The following NXN variants were observed in gnomAD, a reference collection of about 807,000 sequenced individuals.
The protein encoded by NXN is nucleoredoxin, also known as nucleoredoxin 1.
Under a neutral mutation model 48.6 loss-of-function variants are expected in NXN, and 16 were observed. The ratio of observed to expected loss-of-function variants is 0.33; its 90% CI spans 0.22 to 0.50. The LOEUF (loss-of-function observed/expected upper bound fraction) is 0.50. NXN is among the 20% of genes least tolerant of loss of function. The probability of loss-of-function intolerance (pLI) is 0.98; values close to 1 mark genes in which losing one functional copy is unlikely to be tolerated. For missense variants in NXN, 492 were observed against 605.5 expected (o/e 0.81, Z 1.97); for synonymous variants, 281 against 269.6 (o/e 1.04, Z -0.41).
chr17:954,619 C>G (rs753173291), intron 1 of NXN, among the ~76,000 whole-genome samples: 1 of 152,234 alleles, frequency 6.6e-6, no homozygotes, highest in Non-Finnish European at 1.5e-5. Context: ...CGACCCCAGG[C>G]CCCAGGGCCG....
intron 1 of NXN, among the ~76,000 whole-genome samples, chr17:845,734 A>T (rs2067852966): frequency 6.6e-6 from 1 of 152,210 alleles, no homozygotes; most frequent in Admixed American, 6.5e-5. Flanking sequence ...CGGATATTCC[A>T]TTTTCACACA....
chr17:902,782 CT>C lies in NXN; in HGVS notation c.360+76536del, dbSNP rs748225079. On this transcript the variant is annotated intron_variant, in intron 1 of 7. Coordinates refer to ENST00000336868, the MANE Select transcript of NXN (RefSeq NM_022463.5). ...AACACAATGGCCTCTGCCCATCATT[CT>C]TTTTTTTTTTTTTTAAGACTGACTT... 9.7e-3 allele frequency among the ~76,000 whole-genome samples: 1,344 copies of C among 137,908 alleles called. 18 individuals carry two copies. Among genetic ancestry groups the C allele is most frequent in the African/African-American group, 0.027 (996 of 37,508 alleles). 90.5% of individuals were successfully genotyped at this position (137,908 alleles called of 152,430 possible).
intron 1 of NXN, among the ~76,000 whole-genome samples, chr17:885,615 C>A (rs1310208309): frequency 1.1e-5 from 1 of 92,842 alleles, no homozygotes; most frequent in Non-Finnish European, 2.2e-5. Flanking sequence ...TTTCTTTGCG[C>A]ACACATGCCC....
Position 932,198 on chromosome 17 carries a change from A to G in NXN, c.360+47121T>C, listed in dbSNP as rs568753432. Among the ~76,000 whole-genome samples the G allele has an allele frequency of 1.1e-4, 17 of 152,212 alleles. No homozygotes were observed. In the South Asian group the frequency reaches 3.1e-3, roughly 28 times the overall value. On this transcript the variant is annotated intron_variant, in intron 1 of 7. Transcript: ENST00000336868. The surrounding 1 kb of genome is among the most constrained non-coding windows in gnomAD (Gnocchi z 4.1). ...AATGTTTAATTATTTGGAATCCTGG[A>G]AAAAAAAGCTAAGGCAAAGCTGATC...
intron 1 of NXN, among the ~76,000 whole-genome samples, chr17:934,679 G>C (rs1050370535): frequency 6.6e-6 from 1 of 151,456 alleles, no homozygotes; most frequent in Non-Finnish European, 1.5e-5. Context: ...TTCGGGACCA[G>C]CCTGGCCAAC....
chr17:882,550 C>G (rs969721854), intron 1 of NXN, among the ~76,000 whole-genome samples: 1 of 151,998 alleles, frequency 6.6e-6, no homozygotes, highest in African/African-American at 2.4e-5. Context: ...ACTGCAAGCT[C>G]CGCCTCCCGG....
At chr17:885,930 C>T (rs1037266024) in intron 1 of NXN, among the ~76,000 whole-genome samples, 18 of 151,840 alleles carry the variant, frequency 1.2e-4, no homozygotes, top group African/African-American at 3.9e-4. Context: ...CCTCGTGATC[C>T]GCCCGCCTCG....
chr17:882,116 T>A (rs145540498), intron 1 of NXN, among the ~76,000 whole-genome samples: 1 of 152,158 alleles, frequency 6.6e-6, no homozygotes. Context: ...AAAGAACTCA[T>A]ACCAACAAGA....
At chr17:859,015 G>A (rs2068015602) in intron 1 of NXN, among the ~76,000 whole-genome samples, 1 of 152,164 alleles carries the variant, frequency 6.6e-6, no homozygotes. Context: ...CCACCAAGGA[G>A]GAACTGACAA....
chr17:917,302 C>T lies in NXN; in HGVS notation c.360+62017G>A, dbSNP rs908586335. On this transcript the variant is annotated intron_variant, in intron 1 of 7. Transcript: ENST00000336868. The surrounding 1 kb of genome is among the most constrained non-coding windows in gnomAD (Gnocchi z 4.5). ...GACTACAGGCGCCCGCCACCATGCC[C>T]AGCTAATTTTTTGTATTTTTAGTAG... Among the ~76,000 whole-genome samples, 16 of 152,190 alleles carry T rather than the reference C, an allele frequency of 1.1e-4. No homozygotes were observed. The highest frequency in any genetic ancestry group is 3.6e-4 in the African/African-American group (15 of 41,454).
chr17:913,040 T>C (rs187668035), intron 1 of NXN, among the ~76,000 whole-genome samples: 132 of 152,280 alleles, frequency 8.7e-4, no homozygotes, highest in Admixed American at 2.0e-3. Flanking sequence ...GAAATATCTT[T>C]TCTCACCCTA....
intron 1 of NXN, chr17:896,885 C>T (rs77274853): frequency 0.14 from 171,364 of 1,230,948 alleles, 12,996 homozygotes; most frequent in Non-Finnish European, 0.15. Context: ...AACAAACTCA[C>T]GCTATTTCTC....
At position 805,213 on chromosome 17, in the gene NXN, G is replaced by A. The variant is rs770149423; in HGVS notation, c.855C>T (p.Gly285=). The A allele has an allele frequency of 4.3e-6, 7 of 1,611,902 alleles. No homozygotes were observed. Among genetic ancestry groups the A allele is most frequent in the East Asian group, 4.5e-5 (2 of 44,846 alleles). ...IPTLIMLDPQ[G]EVITRQGRVE... ...CCCGCCCCTGCCGCGTGATCACCTC[G>A]CCCTGCGGGTCCAGCATGATGAGCG... is the stretch of plus-strand genomic sequence containing the variant. The change falls in exon 6 of 8, where the codon GGC becomes GGT. Residue 285 remains glycine, a synonymous_variant. Coordinates refer to ENST00000336868, the MANE Select transcript of NXN (RefSeq NM_022463.5).
chr17:972,796 C>G (rs553612122), intron 1 of NXN, among the ~76,000 whole-genome samples: 2 of 152,322 alleles, frequency 1.3e-5, no homozygotes, highest in African/African-American at 2.4e-5. Flanking sequence ...CTTTGGGAGG[C>G]TGACGCGGGT....
chr17:842,595 C>T (rs1157418232), intron 1 of NXN: 3 of 984,454 alleles, frequency 3.0e-6, no homozygotes, highest in Non-Finnish European at 2.4e-6. Context: ...CCTCCTCCTT[C>T]CAGGAGTCAC....
intron 5 of NXN, among the ~76,000 whole-genome samples, chr17:809,908 C>T (rs73285781): frequency 0.016 from 1,725 of 110,040 alleles, 113 homozygotes; most frequent in African/African-American, 0.052. Flanking sequence ...CCTGTGAGTG[C>T]CGTGCACGTT....
chr17:914,645 G>A (rs2068668676), intron 1 of NXN, among the ~76,000 whole-genome samples: 1 of 152,202 alleles, frequency 6.6e-6, no homozygotes, highest in South Asian at 2.1e-4. Context: ...ATCGAACCAG[G>A]CGGAGACAAA....
intron 7 of NXN, among the ~76,000 whole-genome samples, chr17:801,910 G>T (rs972781012): frequency 6.6e-6 from 1 of 152,204 alleles, no homozygotes; most frequent in African/African-American, 2.4e-5. Context: ...AGGCAGGACA[G>T]GAGCTGCACA....
rs2069504130 is a variant in NXN at position 979,234 on chromosome 17, A to AGGGCAGGGGTAACGGGGGTGGGGGGC, written c.360+84_360+85insGCCCCCCACCCCCGTTACCCCTGCCC. On this transcript the variant is annotated intron_variant, in intron 1 of 7. Coordinates refer to ENST00000336868, the MANE Select transcript of NXN (RefSeq NM_022463.5). ...GGCAGGGGGACAACGGGGTTGGCGG[A>AGGGCAGGGGTAACGGGGGTGGGGGGC]GGGCAGGGGTAACGGGCGTGGGGGG... is the stretch of plus-strand genomic sequence containing the variant. 1.0e-3 allele frequency: 459 copies of AGGGCAGGGGTAACGGGGGTGGGGGGC among 457,940 alleles called. 15 individuals are homozygous for AGGGCAGGGGTAACGGGGGTGGGGGGC. The African/African-American group carries it at 0.031, about 31-fold the overall frequency. The allele number at this position is 457,940 out of a possible 1,614,324, so 28.4% of individuals were successfully genotyped here.
Sources: allele counts gnomAD v4.1 joint callset (sites outside exome capture counted in the v4.1 genomes callset), GRCh38; gene constraint gnomAD v4.1.1; non-coding constraint Gnocchi (gnomAD v3.1); transcripts MANE v1.5; gene names NCBI Gene and HGNC (gene_info 2026-07-23, HGNC 2026-07-21).